Variants in VPS13B observed in about 807,000 individuals in gnomAD.
The protein encoded by VPS13B is vacuolar protein sorting 13 homolog B.
In VPS13B, 285 loss-of-function variants were observed where a neutral mutation model predicts 426.4. That is an observed-to-expected ratio of 0.67 (90% CI 0.61 to 0.74). The LOEUF is 0.74. Ranked by LOEUF, VPS13B falls within the 30% of genes least tolerant of loss-of-function variation. The pLI is 0.00. For synonymous variants in VPS13B, 1,676 were observed against 1,676.4 expected, an observed-to-expected ratio of 1.00 and a Z score of 0.01; for missense variants, 4,537 against 4,782.6, an observed-to-expected ratio of 0.95 and a Z score of 1.51.
chr8:99,742,081 G>C (rs1809759454), intron 39 of VPS13B, among the ~76,000 whole-genome samples: 1 of 152,122 alleles, frequency 6.6e-6, no homozygotes, highest in Non-Finnish European at 1.5e-5. Context: ...CCACTAGCAA[G>C]ACTAATAAAG....
Position 99,636,735 on chromosome 8 carries a change from T to A in VPS13B, c.5221-5076T>A, listed in dbSNP as rs903564185. ...AGCATTTTGTCTCAAGTGCTGCCAG[T>A]GTGTTTAATATATGCCTGGAGGTCT... On this transcript the variant is annotated intron_variant, in intron 33 of 61. Transcript: ENST00000357162. Among the ~76,000 whole-genome samples, 12 of 152,038 alleles carry A rather than the reference T, an allele frequency of 7.9e-5. No homozygotes were observed. In the East Asian group the frequency reaches 2.1e-3, roughly 27 times the overall value.
intron 33 of VPS13B, among the ~76,000 whole-genome samples, chr8:99,633,838 T>TGTGC (rs758390407): frequency 1.3e-5 from 2 of 151,254 alleles, no homozygotes; most frequent in African/African-American, 4.9e-5. Context: ...TGTGTGTGTG[T>TGTGC]GCGTGTTTTA....
chr8:99,076,987 G>A (rs1345566228), intron 3 of VPS13B, among the ~76,000 whole-genome samples: 1 of 151,686 alleles, frequency 6.6e-6, no homozygotes, highest in African/African-American at 2.4e-5. Flanking sequence ...TGTAATGTTT[G>A]GTTCCTTTCT....
At chr8:99,317,983 G>T (rs930111288) in intron 19 of VPS13B, among the ~76,000 whole-genome samples, 1 of 151,958 alleles carries the variant, frequency 6.6e-6, no homozygotes, top group East Asian at 1.9e-4. Flanking sequence ...GTGTTTTTTT[G>T]GGGGGTTAGG....
chr8:99,422,809 T>A (rs1017965879), intron 21 of VPS13B, among the ~76,000 whole-genome samples: 1 of 152,210 alleles, frequency 6.6e-6, no homozygotes, highest in African/African-American at 2.4e-5. Context: ...CATTTTTCCC[T>A]CCTCAGAGGT....
chr8:99,874,423 T>G (rs1225706616), intron 61 of VPS13B, among the ~76,000 whole-genome samples: 1 of 152,166 alleles, frequency 6.6e-6, no homozygotes, highest in Non-Finnish European at 1.5e-5. Context: ...CTCTTTACTA[T>G]CTCTCTGCCA....
chr8:99,628,760 A>G (rs140884666), intron 33 of VPS13B, among the ~76,000 whole-genome samples: 12 of 151,274 alleles, frequency 7.9e-5, no homozygotes, highest in African/African-American at 2.9e-4. Context: ...CAGTTTCACC[A>G]TTTACTAGCT....
In VPS13B at chr8:99,291,913, A is replaced by G. The variant is rs147441351; in HGVS notation, c.2824+16659A>G. Reference sequence around the variant, plus strand: ...ATTGTTGTTAAAAAGTGTTTAGTACATATTTGTGGTAAGGTAATTTTTCCT... The same window carrying G: ...ATTGTTGTTAAAAAGTGTTTAGTACGTATTTGTGGTAAGGTAATTTTTCCT... On this transcript the variant is annotated intron_variant, in intron 19 of 61. Coordinates refer to ENST00000357162, the MANE Select transcript of VPS13B (RefSeq NM_152564.5). 4.3e-3 allele frequency among the ~76,000 whole-genome samples: 649 copies of G among 152,264 alleles called. 1 individual carries two copies. Among genetic ancestry groups the G allele is most frequent in the Admixed American group, 7.9e-3 (120 of 15,272 alleles).
chr8:99,669,750 G>T (rs1461761312), intron 35 of VPS13B, among the ~76,000 whole-genome samples: 1 of 151,868 alleles, frequency 6.6e-6, no homozygotes, highest in African/African-American at 2.4e-5. Flanking sequence ...GCTTCTGATT[G>T]GTTTCATCTC....
At chr8:99,411,344 G>A (rs769102114) in intron 21 of VPS13B, among the ~76,000 whole-genome samples, 2 of 152,242 alleles carry the variant, frequency 1.3e-5, no homozygotes, top group Non-Finnish European at 2.9e-5. Context: ...ATGATTGTAG[G>A]CCGCATAAAT....
chr8:99,528,803 T>C (rs1444078164), intron 30 of VPS13B, among the ~76,000 whole-genome samples: 1 of 152,144 alleles, frequency 6.6e-6, no homozygotes, highest in Non-Finnish European at 1.5e-5. Context: ...AGTTTTTTTC[T>C]TTTTAGAAGT....
intron 19 of VPS13B, among the ~76,000 whole-genome samples, chr8:99,280,437 C>T (rs1011678277): frequency 9.9e-5 from 15 of 152,156 alleles, no homozygotes; most frequent in African/African-American, 3.6e-4. Flanking sequence ...TCCATGAGGG[C>T]AGAATTAATC....
At chr8:99,609,115 G>T (rs1452704650) in intron 33 of VPS13B, among the ~76,000 whole-genome samples, 1 of 152,128 alleles carries the variant, frequency 6.6e-6, no homozygotes, top group Non-Finnish European at 1.5e-5. Flanking sequence ...CGGAAACCAT[G>T]ACAACAGACT....
intron 19 of VPS13B, among the ~76,000 whole-genome samples, chr8:99,362,139 C>CTTT (rs71273181): frequency 1.4e-3 from 164 of 119,744 alleles, no homozygotes; most frequent in Non-Finnish European, 1.6e-3. Flanking sequence ...TTTAATTTGT[C>CTTT]TTTTTTTTTT....
At chr8:99,283,346 A>G (rs1358889336) in intron 19 of VPS13B, among the ~76,000 whole-genome samples, 4 of 152,122 alleles carry the variant, frequency 2.6e-5, no homozygotes, top group African/African-American at 9.7e-5. Context: ...TGAGGACGTT[A>G]CTATGTATTT....
At chr8:99,270,813 T>A (rs1257491716) in intron 17 of VPS13B, among the ~76,000 whole-genome samples, 1 of 151,498 alleles carries the variant, frequency 6.6e-6, no homozygotes, top group Non-Finnish European at 1.5e-5. Flanking sequence ...AAGGCTATTA[T>A]TAAGTTCTGT....
intron 33 of VPS13B, among the ~76,000 whole-genome samples, chr8:99,625,222 A>C (rs1194564284): frequency 6.6e-6 from 1 of 152,154 alleles, no homozygotes; most frequent in Non-Finnish European, 1.5e-5. Context: ...TAAACAGGAA[A>C]ATTTTTAGAA....
chr8:99,458,665 G>T (rs1168995921), intron 23 of VPS13B, among the ~76,000 whole-genome samples: 3 of 152,102 alleles, frequency 2.0e-5, no homozygotes, highest in Non-Finnish European at 4.4e-5. Context: ...TTCTCTGATG[G>T]CCAGTGATGA....
intron 17 of VPS13B, among the ~76,000 whole-genome samples, chr8:99,223,467 G>GT (rs1205680701): frequency 1.3e-5 from 2 of 152,094 alleles, no homozygotes; most frequent in African/African-American, 4.8e-5. Context: ...TATTTCCATT[G>GT]TACAAATGAG....
Sources: gnomAD v4.1 joint callset for allele counts (sites outside exome capture counted in the v4.1 genomes callset) on GRCh38, gnomAD v4.1.1 for gene constraint, MANE v1.5 for transcripts, NCBI Gene and HGNC (gene_info 2026-07-23, HGNC 2026-07-21) for gene names.